MYOM3: variants seen among roughly 807,000 people sequenced by gnomAD.
MYOM3 encodes the protein myomesin 3.
In MYOM3, 155 loss-of-function variants were observed where a neutral mutation model predicts 191.7. The observed-to-expected ratio is 0.81, with a 90% CI of 0.71 to 0.92. MYOM3 has a LOEUF of 0.92. MYOM3 is among the 40% of genes least tolerant of loss of function. MYOM3 has a pLI of 0.00. For missense variants in MYOM3, 1,889 were observed against 1,890.6 expected (o/e 1.00, Z 0.02); for synonymous variants, 757 against 762.9 (o/e 0.99, Z 0.13).
intron 2 of MYOM3, 153 bp from the exon 3 acceptor site, chr1:24,108,226 A>C (rs1257479474): frequency 1.2e-5 from 9 of 771,624 alleles, no homozygotes; most frequent in Non-Finnish European, 1.6e-5. Flanking sequence ...GCAAGGCTGC[A>C]TCCCCCCGAC....
rs750960370 is a variant in MYOM3, at chr1:24,099,773, T to A, written c.563A>T (p.Tyr188Phe). The A allele has an allele frequency of 6.2e-7, 1 of 1,613,710 alleles. No individual in the cohort carries two copies. The stretch of plus-strand genomic sequence containing the variant: ...GGGATCAATCCGTGTGTCATTTTTG[T>A]ACCTGTGGGGACATAGCGGTCTGTG... ...QASPPPQVTWYKNDTRIDPRL... is the reference protein window; with the variant it reads ...QASPPPQVTWFKNDTRIDPRL... The change falls in exon 6 of 37, where the codon TAC (tyrosine) becomes TTC (phenylalanine). Residue 188 changes from tyrosine to phenylalanine, a missense_variant and splice_region_variant. Physicochemically the swap from Tyr to Phe is conservative, Grantham distance 22. Coordinates refer to ENST00000374434, the MANE Select transcript of MYOM3 (RefSeq NM_152372.4).
At chr1:24,068,860 A>T (rs563957260) in intron 25 of MYOM3, among the ~76,000 whole-genome samples, 4 of 152,142 alleles carry the variant, frequency 2.6e-5, no homozygotes, top group African/African-American at 9.6e-5. Flanking sequence ...AGTAGCTGGG[A>T]TTACAAGCAT....
rs576393918 is a variant in MYOM3 at position 24,106,356 on chromosome 1, C to CTGTGGGGG, written c.403-287_403-280dup. ...AGATGATAACAAAATCCCTCACCCA[C>CTGTGGGGG]TGTGGGGGTGTGGGGGTGAAAGACA... On this transcript the variant is annotated intron_variant, in intron 4 of 36. Transcript: ENST00000374434. 3.6e-3 allele frequency among the ~76,000 whole-genome samples: 549 copies of CTGTGGGGG among 152,238 alleles called. 5 individuals are homozygous for CTGTGGGGG. Among genetic ancestry groups the CTGTGGGGG allele is most frequent in the Middle Eastern group, 0.027 (8 of 294 alleles).
At chr1:24,103,816 C>G (rs570116897) in intron 5 of MYOM3, among the ~76,000 whole-genome samples, 1 of 146,942 alleles carries the variant, frequency 6.8e-6, no homozygotes, top group Non-Finnish European at 1.5e-5. Flanking sequence ...GCACAGATCT[C>G]CCCCCGCCCC....
intron 35 of MYOM3, 26 bp from the exon 36 acceptor site, chr1:24,059,005 C>A: frequency 1.3e-6 from 2 of 1,584,182 alleles, no homozygotes; most frequent in Non-Finnish European, 1.7e-6. Context: ...GAGACCCCAG[C>A]GATGAATCCT....
chr1:24,087,628 T>G lies in MYOM3; in HGVS notation c.1615-801A>C, dbSNP rs1249596985. ...GCTTCCTGTAGGCCTTTAATAAAAA[T>G]CCACCTTCCTGGGCAGTGGGGAGGC... On this transcript the variant is annotated intron_variant, in intron 14 of 36. Coordinates refer to ENST00000374434, the MANE Select transcript of MYOM3 (RefSeq NM_152372.4). This position sits in a 1 kb window ranked among gnomAD's most constrained non-coding sequence, Gnocchi z 4.5. 6.6e-6 allele frequency among the ~76,000 whole-genome samples: 1 copy of G among 152,074 alleles called. No individual in the cohort carries two copies. Among genetic ancestry groups the G allele is most frequent in the African/African-American group, 2.4e-5 (1 of 41,418 alleles).
chr1:24,069,599 C>A (rs1235505137), intron 25 of MYOM3, among the ~76,000 whole-genome samples: 1 of 132,862 alleles, frequency 7.5e-6, no homozygotes, highest in African/African-American at 2.7e-5. Context: ...TTTTTCTTTT[C>A]TTTCTTTCTT....
chr1:24,092,423 A>G, intron 10 of MYOM3, 108 bp from the exon 11 acceptor site: 1 of 1,025,540 alleles, frequency 9.8e-7, no homozygotes, highest in Non-Finnish European at 1.3e-6. Flanking sequence ...CCAGGGGCTC[A>G]GTTTTGATCT....
intron 22 of MYOM3, 60 bp downstream of exon 22, chr1:24,075,259 A>G: frequency 1.3e-6 from 2 of 1,562,990 alleles, no homozygotes; most frequent in Admixed American, 1.7e-5. Flanking sequence ...AGCCCCTGCC[A>G]GCTCCTCTGA....
chr1:24,098,157 T>A (rs922893103), intron 6 of MYOM3, 146 bp from the exon 7 acceptor site: 1 of 644,704 alleles, frequency 1.6e-6, no homozygotes, highest in African/African-American at 1.8e-5. Flanking sequence ...TGAAAAGCTG[T>A]GTGTTTTCTG....
intron 5 of MYOM3, among the ~76,000 whole-genome samples, chr1:24,100,820 G>C (rs565452765): frequency 6.6e-6 from 1 of 151,786 alleles, no homozygotes; most frequent in African/African-American, 2.4e-5. Flanking sequence ...CCAGGGGGCG[G>C]AGCTTGCAAT....
rs752867769 is a variant in MYOM3, at chr1:24,092,231, G to A, written c.1175C>T (p.Thr392Ile). The A allele has an allele frequency of 1.4e-6, 2 of 1,441,898 alleles. No individual in the cohort carries two copies. Among genetic ancestry groups the A allele is most frequent in the Non-Finnish European group, 1.8e-6 (2 of 1,089,366 alleles). 89.3% of individuals were successfully genotyped at this position (1,441,898 alleles called of 1,614,324 possible). A position where few individuals can be genotyped will look rare whatever the true frequency, so the allele number is the denominator to read the frequency against. ...CCGGGTGTCACTGGGCGGGGCCCAA[G>A]TCAGGATGAGGCAGTCTCTGTTCAC... is the stretch of plus-strand genomic sequence containing the variant. ...LDVNRDCLIL[T>I]WAPPSDTRGN... Residue 392 changes from threonine (T) to isoleucine (I), a missense_variant, in exon 11 of 37, where the codon ACT (threonine) becomes ATT (isoleucine). By Grantham distance (89) the Thr-to-Ile change is moderately conservative. Transcript: ENST00000374434.
chr1:24,094,856 C>A lies in MYOM3; in HGVS notation c.925G>T (p.Asp309Tyr). ...GGCCAGGACTGGGGGTCCTTACCAT[C>A]TCGGAACCACTGGATGCTCTCAGCA... Reference protein sequence around the residue: ...LDAESIQWFRDGSLLRSSRRR... With the variant: ...LDAESIQWFRYGSLLRSSRRR... Residue 309 changes from aspartate (D) to tyrosine (Y), a missense_variant, in exon 9 of 37, where the codon GAT becomes TAT. By Grantham distance (160) the Asp-to-Tyr change is radical. Coordinates refer to ENST00000374434, the MANE Select transcript of MYOM3 (RefSeq NM_152372.4). 6.2e-7 allele frequency: 1 copy of A among 1,611,400 alleles called. No individual in the cohort carries two copies.
At chr1:24,099,622 C>T in intron 6 of MYOM3, 58 bp downstream of exon 6, 1 of 1,379,154 alleles carries the variant, frequency 7.3e-7, no homozygotes, top group Non-Finnish European at 1.0e-6. Flanking sequence ...GGATCCTGCT[C>T]TGGCCTCGGC....
intron 7 of MYOM3, among the ~76,000 whole-genome samples, chr1:24,096,347 G>A (rs902768072): frequency 1.3e-5 from 2 of 152,226 alleles, no homozygotes; most frequent in East Asian, 1.9e-4. Flanking sequence ...GAGAAGCAGA[G>A]GGTTGGCTGG....
Position 24,065,991 on chromosome 1 carries a change from G to T in MYOM3, c.3434C>A (p.Thr1145Asn), listed in dbSNP as rs1643429067. ...CCACTGAAAGCGAGTCTCCTTCTTGGTGTTGGTCACCTGGGGAAGGTGGGG... is the reference window on the plus strand; with the variant it reads ...CCACTGAAAGCGAGTCTCCTTCTTGTTGTTGGTCACCTGGGGAAGGTGGGG... ...QVQLTCKVTN[T>N]KKETRFQWFF... Residue 1145 changes from threonine to asparagine, a missense_variant, in exon 29 of 37, where the codon ACC becomes AAC. Transcript: ENST00000374434. The T allele has an allele frequency of 6.2e-7, 1 of 1,612,692 alleles. No homozygotes were observed. Among genetic ancestry groups the T allele is most frequent in the East Asian group, 2.2e-5 (1 of 44,872 alleles).
rs748148567 is a variant in MYOM3, at chr1:24,080,005, T to C, written c.2586+11A>G. 2 of 1,603,548 alleles carry C rather than the reference T, an allele frequency of 1.2e-6. No individual in the cohort carries two copies. ...CAGGGCCAGTCAGAAGATGAAGGCA[T>C]AAGAACTTACCCTCAGGTGGGTGCC... On this transcript the variant is annotated intron_variant, in intron 20 of 36. Coordinates refer to ENST00000374434, the MANE Select transcript of MYOM3 (RefSeq NM_152372.4).
chr1:24,070,552 C>A (rs1643518088), intron 25 of MYOM3, among the ~76,000 whole-genome samples: 2 of 152,054 alleles, frequency 1.3e-5, no homozygotes, highest in African/African-American at 4.8e-5. Flanking sequence ...CATGCCACTG[C>A]ACTTTAGCCA....
chr1:24,082,462 G>A (rs1324926519), intron 17 of MYOM3, 131 bp downstream of exon 17: 14 of 1,276,964 alleles, frequency 1.1e-5, no homozygotes, highest in Non-Finnish European at 1.4e-5. Flanking sequence ...GCCAGGGCCA[G>A]CTCCAGTTTC....
Sources: gnomAD v4.1 joint callset for allele counts (sites outside exome capture counted in the v4.1 genomes callset) on GRCh38, gnomAD v4.1.1 for gene constraint, Gnocchi (gnomAD v3.1) non-coding constraint, MANE v1.5 for transcripts, NCBI Gene and HGNC (gene_info 2026-07-23, HGNC 2026-07-21) for gene names.